Variants in KSR2 observed in about 807,000 individuals in gnomAD.
KSR2 encodes kinase suppressor of ras 2.
KSR2 carries 25 observed loss-of-function variants against 107.8 expected under a neutral mutation model. The observed-to-expected ratio is 0.23, with a 90% CI of 0.17 to 0.32. The LOEUF is 0.32. Among genes scored for constraint, KSR2 ranks in the 10% least tolerant of loss-of-function variants. KSR2 has a pLI of 1.00. For synonymous variants in KSR2, 480 were observed against 507.0 expected (o/e 0.95, Z 0.71); for missense variants, 887 against 1,268.9 (o/e 0.70, Z 4.57).
chr12:117,797,918 G>A (rs1294887908), intron 3 of KSR2, among the ~76,000 whole-genome samples: 1 of 152,022 alleles, frequency 6.6e-6, no homozygotes, highest in Non-Finnish European at 1.5e-5. Flanking sequence ...CCCAAAGTGC[G>A]AGGATTACAG....
rs577985337 is a variant in KSR2, at chr12:117,524,243, C to T, written c.2219+609G>A. 2.8e-4 allele frequency among the ~76,000 whole-genome samples: 42 copies of T among 152,308 alleles called. 2 individuals carry two copies. In the South Asian group the frequency reaches 8.7e-3, roughly 32 times the overall value. On this transcript the variant is annotated intron_variant, in intron 14 of 19. Coordinates refer to ENST00000339824, the MANE Select transcript of KSR2 (RefSeq NM_173598.6). ...GATTTAGTTGAATATACTCATTTCACATATGGAGAAAGTGACTCTTGGAGA... is the reference window on the plus strand; with the variant it reads ...GATTTAGTTGAATATACTCATTTCATATATGGAGAAAGTGACTCTTGGAGA...
intron 7 of KSR2, among the ~76,000 whole-genome samples, chr12:117,562,893 C>G (rs766917178): frequency 3.9e-5 from 6 of 152,194 alleles, no homozygotes; most frequent in Non-Finnish European, 7.3e-5. Context: ...TGCCCAGGCA[C>G]TTAAACCTTG....
At chr12:117,573,660 T>A (rs816201) in intron 7 of KSR2, among the ~76,000 whole-genome samples, 3 of 151,356 alleles carry the variant, frequency 2.0e-5, no homozygotes, top group South Asian at 2.1e-4. Context: ...CCTGAGTAGC[T>A]GGGATTACAG....
chr12:117,672,530 A>G (rs1043939019), intron 4 of KSR2, among the ~76,000 whole-genome samples: 1 of 152,208 alleles, frequency 6.6e-6, no homozygotes, highest in African/African-American at 2.4e-5. Flanking sequence ...TAAAGTCACT[A>G]TGACCAGGTC....
rs1555268863 is a variant in KSR2 at position 117,462,263 on chromosome 12, A to AAAAAAAAT, written c.*4935_*4936insATTTTTTT. The AAAAAAAAT allele has an allele frequency of 7.1e-6, 1 of 141,232 alleles. No homozygotes were observed. Among genetic ancestry groups the AAAAAAAAT allele is most frequent in the African/African-American group, 2.6e-5 (1 of 38,040 alleles). The allele number at this position is 141,232 out of a possible 1,614,324, so 8.7% of individuals were successfully genotyped here. On this transcript the variant is annotated 3_prime_UTR_variant, in exon 20 of 20. Transcript: ENST00000339824. ...AAAAAAAAAAAAAAAAAAAAAAGAC[A>AAAAAAAAT]TGTTGAAGTCCTCATTCCTAGTACC...
intron 3 of KSR2, among the ~76,000 whole-genome samples, chr12:117,826,144 A>AGAATGAATGAAT (rs139068727): frequency 1.3e-5 from 2 of 150,972 alleles, no homozygotes; most frequent in African/African-American, 2.4e-5. Flanking sequence ...AGATGGAGGA[A>AGAATGAATGAAT]GAATGAATGA....
intron 4 of KSR2, among the ~76,000 whole-genome samples, chr12:117,699,386 T>G (rs994402240): frequency 6.6e-6 from 1 of 152,210 alleles, no homozygotes; most frequent in East Asian, 1.9e-4. Context: ...TGATACATCC[T>G]AAGAAATGCA....
At position 117,968,303 on chromosome 12, in the gene KSR2, AAAG is replaced by A; in HGVS notation, c.-51_-49del. On this transcript the variant is annotated 5_prime_UTR_variant, in exon 1 of 20. Coordinates refer to ENST00000339824, the MANE Select transcript of KSR2 (RefSeq NM_173598.6). ...CCCTCCTCCTCCTCCCAGAGAGAAA[AAAG>A]AGGGGGGGGAGTAGAGGTAGTCTAC... 2.3e-6 allele frequency: 2 copies of A among 852,026 alleles called. No individual in the cohort carries two copies. The highest frequency in any genetic ancestry group is 3.0e-6 in the Non-Finnish European group (2 of 667,426). The allele number at this position is 852,026 out of a possible 1,614,324, so 52.8% of individuals were successfully genotyped here.
chr12:117,596,483 C>A (rs769102437), intron 5 of KSR2, among the ~76,000 whole-genome samples: 2 of 152,176 alleles, frequency 1.3e-5, no homozygotes, highest in African/African-American at 4.8e-5. Context: ...CCTGCCATAA[C>A]GCACCAACGA....
chr12:117,964,002 T>C (rs1593410488), intron 1 of KSR2, among the ~76,000 whole-genome samples: 1 of 152,302 alleles, frequency 6.6e-6, no homozygotes, highest in African/African-American at 2.4e-5. Context: ...GGAGAAATCC[T>C]TGGGCCGGGT....
At chr12:117,904,659 T>C (rs569153691) in intron 1 of KSR2, among the ~76,000 whole-genome samples, 1 of 152,248 alleles carries the variant, frequency 6.6e-6, no homozygotes, top group African/African-American at 2.4e-5. Context: ...AGAAAAAATA[T>C]TATTATTCCC....
chr12:117,491,273 G>T (rs1041805936), intron 14 of KSR2, among the ~76,000 whole-genome samples: 1 of 152,114 alleles, frequency 6.6e-6, no homozygotes, highest in South Asian at 2.1e-4. Context: ...TCTGCCTCCC[G>T]GGTTCAAGTA....
intron 10 of KSR2, among the ~76,000 whole-genome samples, chr12:117,532,590 C>A (rs1222478887): frequency 6.6e-6 from 1 of 152,214 alleles, no homozygotes; most frequent in East Asian, 1.9e-4. Context: ...CTACCTACCA[C>A]AAGCATGAAT....
At chr12:117,527,791 G>A (rs1875310672) in intron 12 of KSR2, among the ~76,000 whole-genome samples, 1 of 152,164 alleles carries the variant, frequency 6.6e-6, no homozygotes, top group Admixed American at 6.5e-5. Flanking sequence ...CCAAAAGTTA[G>A]GTGTGAATTG....
Position 117,861,823 on chromosome 12 carries a change from T to C in KSR2, c.181-1392A>G, listed in dbSNP as rs181836600. On this transcript the variant is annotated intron_variant, in intron 1 of 19. Coordinates refer to ENST00000339824, the MANE Select transcript of KSR2 (RefSeq NM_173598.6). ...CATCCCAAAATTAACTCTTTTAAAATGAGATAGACCTGAACCCAGGCCTCT... is the reference window on the plus strand; with the variant it reads ...CATCCCAAAATTAACTCTTTTAAAACGAGATAGACCTGAACCCAGGCCTCT... Among the ~76,000 whole-genome samples the C allele has an allele frequency of 1.3e-5, 2 of 152,278 alleles. 1 individual carries two copies. Among genetic ancestry groups the C allele is most frequent in the Admixed American group, 1.3e-4 (2 of 15,282 alleles).
intron 1 of KSR2, among the ~76,000 whole-genome samples, chr12:117,901,722 C>T (rs1894690191): frequency 6.6e-6 from 1 of 152,104 alleles, no homozygotes; most frequent in South Asian, 2.1e-4. Flanking sequence ...CTTACATTAC[C>T]ATGCAATAAG....
intron 1 of KSR2, among the ~76,000 whole-genome samples, chr12:117,908,936 CCTTTGAAGACCT>C (rs1483653112): frequency 6.6e-6 from 1 of 152,048 alleles, no homozygotes; most frequent in Admixed American, 6.6e-5. Context: ...CGAAAGTGAG[CCTTTGAAGACCT>C]CTAGTCCAAT....
chr12:117,659,978 C>A (rs552875304), intron 5 of KSR2, among the ~76,000 whole-genome samples: 21 of 152,356 alleles, frequency 1.4e-4, no homozygotes, highest in African/African-American at 5.0e-4. Context: ...CCTGCTGGGG[C>A]TGGAGAGCAG....
At position 117,460,838 on chromosome 12, in the gene KSR2, T is replaced by TC. The variant is rs542147382; in HGVS notation, c.*6360dup. 9.9e-4 allele frequency: 151 copies of TC among 152,266 alleles called. No homozygotes were observed. The highest frequency in any genetic ancestry group is 3.5e-3 in the African/African-American group (147 of 41,548). The allele number at this position is 152,266 out of a possible 1,614,324, so 9.4% of individuals were successfully genotyped here. A position where few individuals can be genotyped will look rare whatever the true frequency, so the allele number is the denominator to read the frequency against. On this transcript the variant is annotated 3_prime_UTR_variant, in exon 20 of 20. Coordinates refer to ENST00000339824, the MANE Select transcript of KSR2 (RefSeq NM_173598.6). ...TGGAACGAGAATAAGACTACTGATC[T>TC]CCCCAAACCATCATAGGAATTCCAG... is the stretch of plus-strand genomic sequence containing the variant.
Sources: allele counts gnomAD v4.1 joint callset (sites outside exome capture counted in the v4.1 genomes callset), GRCh38; gene constraint gnomAD v4.1.1; transcripts MANE v1.5; gene names NCBI Gene and HGNC (gene_info 2026-07-23, HGNC 2026-07-21).